RBMS3: variants seen among roughly 807,000 people sequenced by gnomAD.
RBMS3 encodes RNA-binding motif, single-stranded-interacting protein 3.
In RBMS3, 27 loss-of-function variants were observed where a neutral mutation model predicts 66.8. The observed-to-expected ratio is 0.40, with a 90% CI of 0.30 to 0.56. The LOEUF (loss-of-function observed/expected upper bound fraction) is 0.56, where lower values mean the gene tolerates loss of function less well. Ranked by LOEUF, RBMS3 falls within the 20% of genes least tolerant of loss-of-function variation. The pLI is 0.40. For synonymous variants in RBMS3, 188 were observed against 183.0 expected, an observed-to-expected ratio of 1.03 and a Z score of -0.22; for missense variants, 513 against 549.5, an observed-to-expected ratio of 0.93 and a Z score of 0.66.
At chr3:29,787,172 A>T (rs1173865256) in intron 6 of RBMS3, among the ~76,000 whole-genome samples, 3 of 146,990 alleles carry the variant, frequency 2.0e-5, no homozygotes, top group Admixed American at 1.4e-4. Context: ...TCAAAAACAT[A>T]AAAAAAAAAA....
chr3:29,637,839 A>G (rs1327122482), intron 4 of RBMS3, among the ~76,000 whole-genome samples: 1 of 151,880 alleles, frequency 6.6e-6, no homozygotes, highest in African/African-American at 2.4e-5. Context: ...AATAGCATTA[A>G]AAGCAATAAA....
At position 29,581,171 on chromosome 3, in the gene RBMS3, G is replaced by A. The variant is rs74552482; in HGVS notation, c.308-5943G>A. Among the ~76,000 whole-genome samples the A allele has an allele frequency of 7.1e-3, 1,077 of 152,108 alleles. 30 individuals are homozygous for A. The highest frequency in any genetic ancestry group is 0.054 in the Admixed American group (832 of 15,276). On this transcript the variant is annotated intron_variant, in intron 3 of 14. Transcript: ENST00000383767. ...CATATTGGTTCCCCTGTGGTATCCC[G>A]GCTTTACTATAATGATCACTCACAG...
intron 3 of RBMS3, among the ~76,000 whole-genome samples, chr3:29,532,027 G>A (rs1156256413): frequency 6.6e-6 from 1 of 151,732 alleles, no homozygotes; most frequent in African/African-American, 2.4e-5. Flanking sequence ...GTCTTAGGAG[G>A]CTTGAGTTAG....
chr3:29,920,376 T>C (rs1031760040), intron 10 of RBMS3, among the ~76,000 whole-genome samples: 21 of 152,330 alleles, frequency 1.4e-4, no homozygotes, highest in African/African-American at 4.6e-4. Flanking sequence ...TTCTTCACAA[T>C]GTAAAGGTTT....
intron 4 of RBMS3, among the ~76,000 whole-genome samples, chr3:29,695,961 G>A (rs1351422810): frequency 1.3e-5 from 2 of 152,158 alleles, no homozygotes; most frequent in Non-Finnish European, 1.5e-5. Context: ...AGGGACAAAG[G>A]GTAAGGCCAG....
intron 3 of RBMS3, among the ~76,000 whole-genome samples, chr3:29,549,059 G>GTTTTTTTT (rs5847579): frequency 2.3e-5 from 2 of 85,340 alleles, no homozygotes; most frequent in African/African-American, 4.4e-5. Flanking sequence ...TCCTACTTCT[G>GTTTTTTTT]TTTTTTTTTT....
rs75214557 is a variant in RBMS3, at chr3:29,931,607, C to G, written c.940-4479C>G. On this transcript the variant is annotated intron_variant, in intron 10 of 14. Coordinates refer to ENST00000383767, the MANE Select transcript of RBMS3 (RefSeq NM_001003793.3). ...CTTTTGTTTCTTCTCCCCACAAAAG[C>G]CTTTCTTAAACCCTGAACCCTCATC... is the stretch of plus-strand genomic sequence containing the variant. Among the ~76,000 whole-genome samples the G allele has an allele frequency of 5.1e-3, 771 of 150,872 alleles. 3 individuals are homozygous for G. The highest frequency in any genetic ancestry group is 0.018 in the African/African-American group (734 of 41,058).
At chr3:29,663,056 CTTGT>C (rs1052108874) in intron 4 of RBMS3, among the ~76,000 whole-genome samples, 6 of 152,132 alleles carry the variant, frequency 3.9e-5, no homozygotes, top group Admixed American at 1.3e-4. Context: ...ATTTTTCTTG[CTTGT>C]TTGTTTGTTT....
chr3:29,828,823 G>T (rs1320298168), intron 6 of RBMS3, among the ~76,000 whole-genome samples: 1 of 152,052 alleles, frequency 6.6e-6, no homozygotes, highest in Admixed American at 6.6e-5. Flanking sequence ...AAGCAGAATG[G>T]AAATATTTGC....
At chr3:29,699,561 A>AT (rs2052449593) in intron 4 of RBMS3, among the ~76,000 whole-genome samples, 1 of 152,204 alleles carries the variant, frequency 6.6e-6, no homozygotes, top group African/African-American at 2.4e-5. Context: ...CTGTTTGCAC[A>AT]TACAACTCTA....
At chr3:29,285,213 T>G (rs1272363517) in intron 1 of RBMS3, among the ~76,000 whole-genome samples, 6 of 124,668 alleles carry the variant, frequency 4.8e-5, no homozygotes, top group African/African-American at 1.8e-4. Context: ...CATTCTGAAT[T>G]TTTGAGGTAC....
At chr3:29,301,270 A>C (rs1441427164) in intron 1 of RBMS3, among the ~76,000 whole-genome samples, 2 of 152,052 alleles carry the variant, frequency 1.3e-5, no homozygotes. Flanking sequence ...GTGATAATTT[A>C]TCAGAAAAGT....
At chr3:29,823,034 A>G (rs1426666442) in intron 6 of RBMS3, among the ~76,000 whole-genome samples, 1 of 152,160 alleles carries the variant, frequency 6.6e-6, no homozygotes, top group African/African-American at 2.4e-5. Flanking sequence ...TTGAGGAGAT[A>G]ATGAATATTT....
intron 5 of RBMS3, among the ~76,000 whole-genome samples, chr3:29,757,863 G>C (rs1052504627): frequency 6.6e-6 from 1 of 152,118 alleles, no homozygotes; most frequent in African/African-American, 2.4e-5. Flanking sequence ...TTTGGATTTT[G>C]CCAACTTTTT....
chr3:29,315,287 A>G (rs2034601826), intron 1 of RBMS3, among the ~76,000 whole-genome samples: 1 of 151,720 alleles, frequency 6.6e-6, no homozygotes, highest in African/African-American at 2.4e-5. Context: ...ATAATATTCT[A>G]GTTGAAAAAA....
chr3:29,403,623 G>A lies in RBMS3; in HGVS notation c.76-31120G>A, dbSNP rs955189040. ...GACATTCCAGGGCTGTTGAACTGTC[G>A]GAATCACTGGAAAGATGATAGTGAA... is the stretch of plus-strand genomic sequence containing the variant. On this transcript the variant is annotated intron_variant, in intron 1 of 14. Transcript: ENST00000383767. 5.9e-5 allele frequency among the ~76,000 whole-genome samples: 9 copies of A among 151,892 alleles called. No individual in the cohort carries two copies. The East Asian group carries it at 9.6e-4, about 16-fold the overall frequency.
intron 4 of RBMS3, among the ~76,000 whole-genome samples, chr3:29,685,315 C>T (rs2051680612): frequency 6.6e-6 from 1 of 152,304 alleles, no homozygotes; most frequent in South Asian, 2.1e-4. Flanking sequence ...CCCGCCTCGA[C>T]CTCCCAAAGT....
intron 12 of RBMS3, among the ~76,000 whole-genome samples, chr3:29,958,425 A>T (rs1225972904): frequency 6.6e-6 from 1 of 152,100 alleles, no homozygotes; most frequent in East Asian, 1.9e-4. Flanking sequence ...TAAAGTAAGC[A>T]GTCATTCTAG....
chr3:29,448,432 A>G (rs901235735), intron 2 of RBMS3, among the ~76,000 whole-genome samples: 1 of 152,232 alleles, frequency 6.6e-6, no homozygotes, highest in African/African-American at 2.4e-5. Context: ...CGGTCTTTAA[A>G]TAAACAGTTC....
Sources: gnomAD v4.1 joint callset for allele counts (sites outside exome capture counted in the v4.1 genomes callset) on GRCh38, gnomAD v4.1.1 for gene constraint, MANE v1.5 for transcripts, NCBI Gene and HGNC (gene_info 2026-07-23, HGNC 2026-07-21) for gene names.